Variants in TNXB observed in about 807,000 individuals in gnomAD.
TNXB encodes the protein tenascin-X.
In TNXB, 183 loss-of-function variants were observed where a neutral mutation model predicts 340.5. The ratio of observed to expected loss-of-function variants is 0.54; its 90% confidence interval spans 0.48 to 0.61. The LOEUF (loss-of-function observed/expected upper bound fraction) is 0.61, where lower values mean the gene tolerates loss of function less well. Among genes scored for constraint, TNXB ranks in the 20% least tolerant of loss-of-function variants. The pLI, the probability that TNXB is intolerant of heterozygous loss-of-function variation, is 0.00. For synonymous variants in TNXB, 2,121 were observed against 2,314.5 expected, an observed-to-expected ratio of 0.92 and a Z score of 2.40; for missense variants, 4,613 against 5,446.4, an observed-to-expected ratio of 0.85 and a Z score of 4.82.
chr6:32,098,929 G>A (rs1780570396), intron 1 of TNXB, among the ~76,000 whole-genome samples: 1 of 152,202 alleles, frequency 6.6e-6, no homozygotes, highest in Non-Finnish European at 1.5e-5. Flanking sequence ...AGTTAGGGCA[G>A]TCTTCCATTA....
Position 32,090,334 on chromosome 6 carries a change from A to T in TNXB, c.2359-955T>A, listed in dbSNP as rs1295558843. On this transcript the variant is annotated intron_variant, in intron 4 of 43. Coordinates refer to ENST00000644971, the MANE Select transcript of TNXB (RefSeq NM_001365276.2). This position sits in a 1 kb window ranked among gnomAD's most constrained non-coding sequence, Gnocchi z 4.3. ...ACAAGTGTACATTTAAGGAATTATG[A>T]TTATGTGTGGTGCCTCCAAAGGGAA... is the stretch of plus-strand genomic sequence containing the variant. 6.6e-6 allele frequency among the ~76,000 whole-genome samples: 1 copy of T among 152,216 alleles called. No individual in the cohort carries two copies. The highest frequency in any genetic ancestry group is 2.4e-5 in the African/African-American group (1 of 41,450).
At position 32,101,347 on chromosome 6, in the gene TNXB, T is replaced by C. The variant is rs376129647; in HGVS notation, c.-8-3141A>G. On this transcript the variant is annotated intron_variant, in intron 1 of 43. Coordinates refer to ENST00000644971, the MANE Select transcript of TNXB (RefSeq NM_001365276.2). ...CTCTTTCGCCCAGGCTGGAGTGCAGTGGTGCGTCTTGGCTCACTGCAAGCT... is the reference window on the plus strand; with the variant it reads ...CTCTTTCGCCCAGGCTGGAGTGCAGCGGTGCGTCTTGGCTCACTGCAAGCT... Among the ~76,000 whole-genome samples, 29 of 152,202 alleles carry C rather than the reference T, an allele frequency of 1.9e-4. 1 individual carries two copies. In the South Asian group the frequency reaches 6.0e-3, roughly 32 times the overall value.
In TNXB at chr6:32,047,239, C is replaced by G. The variant is rs936574023; in HGVS notation, c.10324+495G>C. On this transcript the variant is annotated intron_variant, in intron 30 of 43. Transcript: ENST00000644971. The surrounding 1 kb of genome is among the most constrained non-coding windows in gnomAD (Gnocchi z 6.2). ...ATGGTCCTGGGAGTGGGGTGAGGGT[C>G]GGTGACCCACCACACCCCTTCCTCA... is the stretch of plus-strand genomic sequence containing the variant. Among the ~76,000 whole-genome samples, 4 of 152,200 alleles carry G rather than the reference C, an allele frequency of 2.6e-5. No individual in the cohort carries two copies. Among genetic ancestry groups the G allele is most frequent in the Non-Finnish European group, 4.4e-5 (3 of 68,028 alleles).
chr6:32,094,267 G>T (rs1025768733), intron 4 of TNXB, among the ~76,000 whole-genome samples: 7 of 151,418 alleles, frequency 4.6e-5, no homozygotes, highest in Non-Finnish European at 1.0e-4. Flanking sequence ...ATTGAACAGG[G>T]CCAAATGCAA....
chr6:32,081,652 G>C lies in TNXB; in HGVS notation c.3758C>G (p.Pro1253Arg), dbSNP rs188789382. The change falls in exon 10 of 44, where the codon CCC becomes CGC. Residue 1253 changes from proline to arginine, a missense_variant. This residue lies in a region of TNXB where 4,327 missense variants were observed against 4,859.4 expected (regional missense o/e 0.89). Coordinates refer to ENST00000644971, the MANE Select transcript of TNXB (RefSeq NM_001365276.2). This position sits in a 1 kb window ranked among gnomAD's most constrained non-coding sequence, Gnocchi z 5.1. ...GTTAPERKEE[P>R]PRPEFLEQPL... Reference sequence around the variant, plus strand: ...CTGCTCCAGGAACTCAGGGCGGGGGGGCTCCTCTTTCCTCTCTGGAGCTGT... The same window carrying C: ...CTGCTCCAGGAACTCAGGGCGGGGGCGCTCCTCTTTCCTCTCTGGAGCTGT... 2.5e-6 allele frequency: 4 copies of C among 1,589,136 alleles called. No homozygotes were observed. Among genetic ancestry groups the C allele is most frequent in the African/African-American group, 1.3e-5 (1 of 74,524 alleles).
At position 32,086,045 on chromosome 6, in the gene TNXB, G is replaced by A; in HGVS notation, c.2853C>T (p.Ala951=). The change falls in exon 7 of 44, where the codon GCC becomes GCT. Residue 951 remains alanine (A), a synonymous_variant. Transcript: ENST00000644971. ...GGCGCTGCTGCAGGAGAGGAGCCTGGGCCCCTTGCGTCGTCGAGGGGCCTG... is the reference window on the plus strand; with the variant it reads ...GGCGCTGCTGCAGGAGAGGAGCCTGAGCCCCTTGCGTCGTCGAGGGGCCTG... ...PPSGPSTTQG[A]QAPLLQQRPQ... 6.2e-7 allele frequency: 1 copy of A among 1,601,894 alleles called. No homozygotes were observed. Among genetic ancestry groups the A allele is most frequent in the East Asian group, 2.2e-5 (1 of 44,730 alleles).
chr6:32,059,208 T>C (rs1777865556), intron 21 of TNXB, among the ~76,000 whole-genome samples: 1 of 151,148 alleles, frequency 6.6e-6, no homozygotes, highest in African/African-American at 2.5e-5. Context: ...CACCTGAGGT[T>C]GGGAATTCGA....
At position 32,049,128 on chromosome 6, in the gene TNXB, A is replaced by G. The variant is rs1322753537; in HGVS notation, c.9757+142T>C. The G allele has an allele frequency of 8.1e-7, 1 of 1,240,662 alleles. No individual in the cohort carries two copies. The highest frequency in any genetic ancestry group is 1.1e-6 in the Non-Finnish European group (1 of 921,982). 76.9% of individuals were successfully genotyped at this position (1,240,662 alleles called of 1,614,324 possible). A position where few individuals can be genotyped will look rare whatever the true frequency, so the allele number is the denominator to read the frequency against. On this transcript the variant is annotated intron_variant, in intron 28 of 43. Transcript: ENST00000644971. This position sits in a 1 kb window ranked among gnomAD's most constrained non-coding sequence, Gnocchi z 4.5. ...ACTCCACACAGTCTCCATGAATCCA[A>G]GGATGAGGCAGGATCATTAGCAACA...
chr6:32,071,582 T>C (rs1440201854), intron 13 of TNXB, among the ~76,000 whole-genome samples: 7 of 150,816 alleles, frequency 4.6e-5, no homozygotes, highest in Admixed American at 1.3e-4. Flanking sequence ...TTCTTTCTTT[T>C]TTTTTTTTTT....
intron 1 of TNXB, among the ~76,000 whole-genome samples, chr6:32,101,525 G>A (rs1252765165): frequency 1.3e-5 from 2 of 151,664 alleles, no homozygotes; most frequent in African/African-American, 4.8e-5. Flanking sequence ...TCCTGACCTC[G>A]TGATCCGCCC....
chr6:32,046,034 C>T lies in TNXB; in HGVS notation c.10606+141G>A, dbSNP rs1458910992. The stretch of plus-strand genomic sequence containing the variant: ...ATGGATGTTGAAGCCCACAGGGCTG[C>T]AGACTCCTCCTCCTTCCTGGGGACA... On this transcript the variant is annotated intron_variant, in intron 31 of 43. Coordinates refer to ENST00000644971, the MANE Select transcript of TNXB (RefSeq NM_001365276.2). This position sits in a 1 kb window ranked among gnomAD's most constrained non-coding sequence, Gnocchi z 6.9. 9 of 1,418,986 alleles carry T rather than the reference C, an allele frequency of 6.3e-6. No individual in the cohort carries two copies. The highest frequency in any genetic ancestry group is 1.4e-5 in the African/African-American group (1 of 69,762). The allele number at this position is 1,418,986 out of a possible 1,614,324, so 87.9% of individuals were successfully genotyped here.
In TNXB at chr6:32,068,956, T is replaced by C; in HGVS notation, c.5768A>G (p.Gln1923Arg). 1 of 1,612,868 alleles carries C rather than the reference T, an allele frequency of 6.2e-7. No homozygotes were observed. Among genetic ancestry groups the C allele is most frequent in the Non-Finnish European group, 8.5e-7 (1 of 1,179,870 alleles). ...CCGGTCACCTCCTATGCGGACCATT[T>C]GGAGTTGCCCGTCTCTATCTGTGTA... ...IQYTDRDGQL[Q>R]MVRIGGDRND... The change falls in exon 16 of 44, where the codon CAA becomes CGA. Residue 1923 changes from glutamine to arginine, a missense_variant. Physicochemically the swap from Gln to Arg is conservative, Grantham distance 43. Around this residue, in one of 7 missense-constraint regions of TNXB, gnomAD observed 4,327 missense variants for 4,859.4 expected, o/e 0.89. Coordinates refer to ENST00000644971, the MANE Select transcript of TNXB (RefSeq NM_001365276.2). The surrounding 1 kb of genome is among the most constrained non-coding windows in gnomAD (Gnocchi z 5.3).
chr6:32,070,409 G>C lies in TNXB; in HGVS notation c.4996C>G (p.Arg1666Gly). 6.3e-7 allele frequency: 1 copy of C among 1,587,446 alleles called. No individual in the cohort carries two copies. The highest frequency in any genetic ancestry group is 8.6e-7 in the Non-Finnish European group (1 of 1,164,420). ...PVSVEAKTVA[R>G]GDASPGAPPR... The stretch of plus-strand genomic sequence containing the variant: ...GGGGCCCCTGGGCTGGCGTCACCTC[G>C]GGCAACTGGAGAGGAAAGGTTCTTG... The change falls in exon 14 of 44, where the codon CGA becomes GGA. Residue 1666 changes from arginine to glycine, a missense_variant. This residue lies in a region of TNXB where 4,327 missense variants were observed against 4,859.4 expected (regional missense o/e 0.89). Coordinates refer to ENST00000644971, the MANE Select transcript of TNXB (RefSeq NM_001365276.2). This position sits in a 1 kb window ranked among gnomAD's most constrained non-coding sequence, Gnocchi z 6.0.
At position 32,041,591 on chromosome 6, in the gene TNXB, G is replaced by C. The variant is rs1181736146; in HGVS notation, c.12634-141C>G. ...TGACCCTCCGCTGCAGAGGATTGAG[G>C]CTTAATTCTGAGCTGGCCCTTTCCA... On this transcript the variant is annotated intron_variant, in intron 43 of 43. Transcript: ENST00000644971. 6 of 1,069,272 alleles carry C rather than the reference G, an allele frequency of 5.6e-6. 1 individual carries two copies. Among genetic ancestry groups the C allele is most frequent in the Non-Finnish European group, 8.4e-6 (6 of 715,208 alleles). 66.2% of individuals were successfully genotyped at this position (1,069,272 alleles called of 1,614,324 possible).
intron 1 of TNXB, among the ~76,000 whole-genome samples, chr6:32,100,429 C>CA (rs1272068334): frequency 6.6e-6 from 1 of 152,110 alleles, no homozygotes; most frequent in Non-Finnish European, 1.5e-5. Flanking sequence ...GTAAAACACA[C>CA]ACAAAACCTA....
Position 32,043,436 on chromosome 6 carries a change from C to T in TNXB, c.11650+1G>A. On this transcript the variant is annotated splice_donor_variant, in intron 36 of 43. Coordinates refer to ENST00000644971, the MANE Select transcript of TNXB (RefSeq NM_001365276.2). LOFTEE classifies it high-confidence loss of function. ...CCTCCAGAGGCCTCAGGCCTGCTCACCCCCAGGGGCTGTGACCTGGACGTC... is the reference window on the plus strand; with the variant it reads ...CCTCCAGAGGCCTCAGGCCTGCTCATCCCCAGGGGCTGTGACCTGGACGTC... The T allele has an allele frequency of 1.8e-6, 1 of 549,234 alleles. No individual in the cohort carries two copies. The highest frequency in any genetic ancestry group is 3.1e-6 in the Non-Finnish European group (1 of 318,688). The allele number at this position is 549,234 out of a possible 1,614,324, so 34.0% of individuals were successfully genotyped here. A position where few individuals can be genotyped will look rare whatever the true frequency, so the allele number is the denominator to read the frequency against.
chr6:32,108,384 G>A lies in TNXB; in HGVS notation c.-9+797C>T, dbSNP rs887189185. On this transcript the variant is annotated intron_variant, in intron 1 of 43. Coordinates refer to ENST00000644971, the MANE Select transcript of TNXB (RefSeq NM_001365276.2). The surrounding 1 kb of genome is among the most constrained non-coding windows in gnomAD (Gnocchi z 4.8). ...GGCGGGGGCGGCGAGGTGAGGGAGAGTGCGGGTTCAGACAGACAGAGGCAA... is the reference window on the plus strand; with the variant it reads ...GGCGGGGGCGGCGAGGTGAGGGAGAATGCGGGTTCAGACAGACAGAGGCAA... Among the ~76,000 whole-genome samples the A allele has an allele frequency of 3.9e-5, 6 of 152,138 alleles. No homozygotes were observed. Among genetic ancestry groups the A allele is most frequent in the Non-Finnish European group, 7.4e-5 (5 of 68,014 alleles).
intron 22 of TNXB, among the ~76,000 whole-genome samples, chr6:32,057,757 A>G (rs1777754892): frequency 6.6e-6 from 1 of 152,194 alleles, no homozygotes; most frequent in Admixed American, 6.5e-5. Flanking sequence ...TAAAGCTGTC[A>G]CCAAGCTAAG....
At position 32,062,831 on chromosome 6, in the gene TNXB, G is replaced by A. The variant is rs919420638; in HGVS notation, c.6842-348C>T. ...AGCACTTTGGGAGGCCGAGGCGGGCGGATCATGAGGTCAGGAGATTGAGAC... is the reference window on the plus strand; with the variant it reads ...AGCACTTTGGGAGGCCGAGGCGGGCAGATCATGAGGTCAGGAGATTGAGAC... On this transcript the variant is annotated intron_variant, in intron 19 of 43. Coordinates refer to ENST00000644971, the MANE Select transcript of TNXB (RefSeq NM_001365276.2). This position sits in a 1 kb window ranked among gnomAD's most constrained non-coding sequence, Gnocchi z 4.3. Among the ~76,000 whole-genome samples, 10 of 151,860 alleles carry A rather than the reference G, an allele frequency of 6.6e-5. No individual in the cohort carries two copies. Among genetic ancestry groups the A allele is most frequent in the Middle Eastern group, 3.2e-3 (1 of 314 alleles).
Sources: allele counts gnomAD v4.1 joint callset (sites outside exome capture counted in the v4.1 genomes callset), GRCh38; gene constraint gnomAD v4.1.1; regional missense constraint gnomAD v4.1.1; non-coding constraint Gnocchi (gnomAD v3.1); transcripts MANE v1.5; gene names NCBI Gene and HGNC (gene_info 2026-07-23, HGNC 2026-07-21).